Variants in SLITRK5 observed in about 807,000 individuals in gnomAD.
SLITRK5 encodes the protein SLIT and NTRK like family member 5.
Under a neutral mutation model 56.2 loss-of-function variants are expected in SLITRK5, and 23 were observed. The observed-to-expected ratio is 0.41, with a 90% confidence interval of 0.29 to 0.58. The LOEUF is 0.58. SLITRK5 is among the 20% of genes least tolerant of loss of function. SLITRK5 has a pLI of 0.30. For missense variants in SLITRK5, 1,289 were observed against 1,226.6 expected, an observed-to-expected ratio of 1.05 and a Z score of -0.76; for synonymous variants, 637 against 531.8, an observed-to-expected ratio of 1.20 and a Z score of -2.72.
chr13:87,674,797 A>T (rs1877198979), intron 1 of SLITRK5, among the ~76,000 whole-genome samples: 1 of 152,108 alleles, frequency 6.6e-6, no homozygotes, highest in Non-Finnish European at 1.5e-5. Context: ...GATGCATTAT[A>T]TTACAGCCTT....
chr13:87,676,363 A>AC lies in SLITRK5; in HGVS notation c.980dup (p.Leu328PhefsTer5), dbSNP rs1877273848. The AC allele has an allele frequency of 6.2e-7, 1 of 1,613,362 alleles. No individual in the cohort carries two copies. Among genetic ancestry groups the AC allele is most frequent in the Admixed American group, 1.7e-5 (1 of 59,920 alleles). On this transcript the variant is annotated frameshift_variant, in exon 2 of 2. Transcript: ENST00000683689. LOFTEE classifies it high-confidence loss of function. ...CCACTTCTTCCTCTGCTGTTTACAA[A>AC]CCCCCTTTGAAGCCCCCTAAGGGGA...
chr13:87,674,342 C>A, intron 1 of SLITRK5: 2 of 966,156 alleles, frequency 2.1e-6, no homozygotes, highest in Non-Finnish European at 2.5e-6. Context: ...GATGGGGATG[C>A]TGTCGAGGTG....
intron 1 of SLITRK5, chr13:87,672,925 T>A (rs868682344): frequency 6.6e-6 from 1 of 151,848 alleles, no homozygotes; most frequent in South Asian, 1.8e-4. Context: ...GGCGGGGTGG[T>A]TTTCCTTCCC....
Position 87,677,592 on chromosome 13 carries a change from G to A in SLITRK5, c.2204G>A (p.Gly735Glu). ...CCACACGCGCACGTGCATCACCGCG[G>A]GCCCGCGCTGCCCAAGGTGAAGACG... ...GHPHAHVHHR[G>E]PALPKVKTPA... The change falls in exon 2 of 2, where the codon GGG (glycine) becomes GAG (glutamate). Residue 735 changes from glycine to glutamate, a missense_variant. This residue lies in a region of SLITRK5 where 985 missense variants were observed against 906.0 expected (regional missense o/e 1.09). Coordinates refer to ENST00000683689, the MANE Select transcript of SLITRK5 (RefSeq NM_001384609.1). This position sits in a 1 kb window ranked among gnomAD's most constrained non-coding sequence, Gnocchi z 4.7. The A allele has an allele frequency of 6.2e-7, 1 of 1,609,718 alleles. No individual in the cohort carries two copies. The highest frequency in any genetic ancestry group is 1.1e-5 in the South Asian group (1 of 90,918).
In SLITRK5 at chr13:87,676,043, G is replaced by A; in HGVS notation, c.655G>A (p.Gly219Arg). The change falls in exon 2 of 2, where the codon GGG (glycine) becomes AGG (arginine). Residue 219 changes from glycine to arginine, a missense_variant. Transcript: ENST00000683689. ...GNRLKLLPYV[G>R]LLQHMDKVVE... Reference sequence around the variant, plus strand: ...CCGGCTGAAACTTCTGCCCTACGTGGGGCTCTTGCAGCACATGGATAAAGT... The same window carrying A: ...CCGGCTGAAACTTCTGCCCTACGTGAGGCTCTTGCAGCACATGGATAAAGT... The A allele has an allele frequency of 6.2e-7, 1 of 1,614,084 alleles. No homozygotes were observed. The highest frequency in any genetic ancestry group is 8.5e-7 in the Non-Finnish European group (1 of 1,180,022).
rs940161886 is a variant in SLITRK5 at position 87,671,627 on chromosome 13, C to A, written c.-591C>A. On this transcript the variant is annotated 5_prime_UTR_variant, in exon 1 of 2. Coordinates refer to ENST00000683689, the MANE Select transcript of SLITRK5 (RefSeq NM_001384609.1). ...ATAGAACGACGCGGTTGCTGCCCGC[C>A]CCCCCCTTCCCCCAGAAACCCCAAA... Among the ~76,000 whole-genome samples, 2 of 151,956 alleles carry A rather than the reference C, an allele frequency of 1.3e-5. No homozygotes were observed. Among genetic ancestry groups the A allele is most frequent in the Non-Finnish European group, 2.9e-5 (2 of 67,966 alleles).
intron 1 of SLITRK5, among the ~76,000 whole-genome samples, chr13:87,673,897 G>A (rs971340728): frequency 6.6e-6 from 1 of 152,062 alleles, no homozygotes; most frequent in African/African-American, 2.4e-5. Context: ...CGGTAGTGAG[G>A]CAAAGGCAAG....
At position 87,678,334 on chromosome 13, in the gene SLITRK5, C is replaced by A; in HGVS notation, c.*69C>A. 1.4e-6 allele frequency: 2 copies of A among 1,383,336 alleles called. No homozygotes were observed. The highest frequency in any genetic ancestry group is 2.0e-6 in the Non-Finnish European group (2 of 1,008,138). 85.7% of individuals were successfully genotyped at this position (1,383,336 alleles called of 1,614,324 possible). ...AGCAAGCAGACACACACAGTGAACACATTTGATTAATTGTGTTGTTTCAAC... is the reference window on the plus strand; with the variant it reads ...AGCAAGCAGACACACACAGTGAACAAATTTGATTAATTGTGTTGTTTCAAC... On this transcript the variant is annotated 3_prime_UTR_variant, in exon 2 of 2. Coordinates refer to ENST00000683689, the MANE Select transcript of SLITRK5 (RefSeq NM_001384609.1).
chr13:87,675,267 T>A (rs1877221715), intron 1 of SLITRK5, 114 bp from the exon 2 acceptor site: 3 of 679,976 alleles, frequency 4.4e-6, no homozygotes, highest in Non-Finnish European at 7.7e-6. Flanking sequence ...GTCATTTGTA[T>A]CTCTTCCTTT....
In SLITRK5 at chr13:87,675,829, T is replaced by G. The variant is rs767250663; in HGVS notation, c.441T>G (p.Asp147Glu). Residue 147 changes from aspartate to glutamate, a missense_variant, in exon 2 of 2, where the codon GAT (aspartate) becomes GAG (glutamate). This residue lies in a region of SLITRK5 where 291 missense variants were observed against 286.7 expected (regional missense o/e 1.02). Coordinates refer to ENST00000683689, the MANE Select transcript of SLITRK5 (RefSeq NM_001384609.1). ...NNNKLELLRD[D>E]TFLGLENLEY... ...ATAAACTGGAACTTCTGCGAGATGA[T>G]ACCTTCCTTGGCTTGGAGAACCTGG... 4.3e-6 allele frequency: 7 copies of G among 1,614,038 alleles called. No individual in the cohort carries two copies. Among genetic ancestry groups the G allele is most frequent in the Non-Finnish European group, 5.9e-6 (7 of 1,180,038 alleles).
Position 87,674,674 on chromosome 13 carries a change from T to C in SLITRK5, c.-8-707T>C, listed in dbSNP as rs140512329. ...GCATGCAATTAGGACGCTGATGTGC[T>C]TTAATAGCGTGGTAGTGAAGTCCAC... On this transcript the variant is annotated intron_variant, in intron 1 of 1. Transcript: ENST00000683689. Among the ~76,000 whole-genome samples the C allele has an allele frequency of 3.1e-3, 474 of 152,304 alleles. 3 individuals carry two copies. The highest frequency in any genetic ancestry group is 0.01 in the African/African-American group (436 of 41,558).
rs373342343 is a variant in SLITRK5, at chr13:87,675,646, C to A, written c.258C>A (p.Leu86=). The A allele has an allele frequency of 6.2e-7, 1 of 1,614,182 alleles. No individual in the cohort carries two copies. Among genetic ancestry groups the A allele is most frequent in the Non-Finnish European group, 8.5e-7 (1 of 1,180,048 alleles). ...CTCCCCGTTTCCCAATCTACCACCT[C>A]TTGTTGTCCGGAAACCTTTTGAACC... ...ISPPRFPIYH[L]LLSGNLLNRL... is the part of the protein sequence containing the mutation. The change falls in exon 2 of 2, where the codon CTC becomes CTA. Residue 86 remains leucine, a synonymous_variant. Coordinates refer to ENST00000683689, the MANE Select transcript of SLITRK5 (RefSeq NM_001384609.1).
rs764307377 is a variant in SLITRK5 at position 87,675,605 on chromosome 13, C to T, written c.217C>T (p.Leu73Phe). Residue 73 changes from leucine (L) to phenylalanine (F), a missense_variant, in exon 2 of 2, where the codon CTC becomes TTC. Physicochemically the swap from Leu to Phe is conservative, Grantham distance 22 (BLOSUM62 0). This residue lies in a region of SLITRK5 where 291 missense variants were observed against 286.7 expected (regional missense o/e 1.02). Coordinates refer to ENST00000683689, the MANE Select transcript of SLITRK5 (RefSeq NM_001384609.1). ...VSCENRGIIS[L>F]SEISPPRFPI... ...CTGTGAAAACCGGGGGATCATCAGT[C>T]TCTCTGAAATTAGCCCTCCCCGTTT... 3 of 1,614,190 alleles carry T rather than the reference C, an allele frequency of 1.9e-6. No homozygotes were observed. Among genetic ancestry groups the T allele is most frequent in the Admixed American group, 3.3e-5 (2 of 60,028 alleles).
intron 1 of SLITRK5, among the ~76,000 whole-genome samples, 162 bp from the exon 2 acceptor site, chr13:87,675,219 A>C (rs1051642194): frequency 1.3e-5 from 2 of 152,202 alleles, no homozygotes; most frequent in African/African-American, 4.8e-5. Context: ...GATTTTAATA[A>C]AATCTAGAGA....
Position 87,675,625 on chromosome 13 carries a change from C to A in SLITRK5, c.237C>A (p.Pro79=), listed in dbSNP as rs374083775. 6 of 1,614,168 alleles carry A rather than the reference C, an allele frequency of 3.7e-6. No homozygotes were observed. Among genetic ancestry groups the A allele is most frequent in the Non-Finnish European group, 4.2e-6 (5 of 1,180,040 alleles). The change falls in exon 2 of 2, where the codon CCC becomes CCA. Residue 79 remains proline, a synonymous_variant. Transcript: ENST00000683689. ...GIISLSEISP[P]RFPIYHLLLS... is the part of the protein sequence containing the mutation. Reference sequence around the variant, plus strand: ...TCAGTCTCTCTGAAATTAGCCCTCCCCGTTTCCCAATCTACCACCTCTTGT... The same window carrying A: ...TCAGTCTCTCTGAAATTAGCCCTCCACGTTTCCCAATCTACCACCTCTTGT...
chr13:87,673,668 G>T (rs1445350766), intron 1 of SLITRK5: 1 of 493,394 alleles, frequency 2.0e-6, no homozygotes, highest in East Asian at 6.9e-5. Flanking sequence ...GGATACTTGC[G>T]AGGTTTATGC....
intron 1 of SLITRK5, among the ~76,000 whole-genome samples, chr13:87,674,781 T>C (rs1029201809): frequency 3.9e-5 from 6 of 152,156 alleles, no homozygotes; most frequent in African/African-American, 1.2e-4. Flanking sequence ...TTCTTGGGGC[T>C]CCTTTGATGC....
Position 87,675,429 on chromosome 13 carries a change from T to C in SLITRK5, c.41T>C (p.Leu14Pro). 1.9e-6 allele frequency: 3 copies of C among 1,614,218 alleles called. No homozygotes were observed. The highest frequency in any genetic ancestry group is 2.2e-5 in the East Asian group (1 of 44,880). The change falls in exon 2 of 2, where the codon CTT becomes CCT. Residue 14 changes from leucine to proline, a missense_variant. By Grantham distance (98) the Leu-to-Pro change is moderately conservative (BLOSUM62 -3). Around this residue, in one of 3 missense-constraint regions of SLITRK5, gnomAD observed 291 missense variants for 286.7 expected, o/e 1.02. Transcript: ENST00000683689. ...CCPPVTLEQD[L>P]HRKMHSWMLQ... ...CCCCCAGTAACTTTGGAACAGGACC[T>C]TCACAGAAAAATGCATAGCTGGATG...
Position 87,677,140 on chromosome 13 carries a change from C to T in SLITRK5, c.1752C>T (p.Gly584=), listed in dbSNP as rs373098685. 1 of 1,614,050 alleles carries T rather than the reference C, an allele frequency of 6.2e-7. No individual in the cohort carries two copies. The highest frequency in any genetic ancestry group is 1.3e-5 in the African/African-American group (1 of 74,914). Reference sequence around the variant, plus strand: ...TGTGGGTGGAGCAGCTCAAAGTGGGCGTCCTAGTGGACGAGGTGATCTGTA... The same window carrying T: ...TGTGGGTGGAGCAGCTCAAAGTGGGTGTCCTAGTGGACGAGGTGATCTGTA... ...MKLWVEQLKV[G]VLVDEVICKA... is the part of the protein sequence containing the mutation. The change falls in exon 2 of 2, where the codon GGC becomes GGT. Residue 584 remains glycine, a synonymous_variant. Transcript: ENST00000683689. This position sits in a 1 kb window ranked among gnomAD's most constrained non-coding sequence, Gnocchi z 4.7.
Sources: gnomAD v4.1 joint callset for allele counts (sites outside exome capture counted in the v4.1 genomes callset) on GRCh38, gnomAD v4.1.1 for gene constraint, gnomAD v4.1.1 regional missense constraint, Gnocchi (gnomAD v3.1) non-coding constraint, MANE v1.5 for transcripts, NCBI Gene and HGNC (gene_info 2026-07-23, HGNC 2026-07-21) for gene names.